The following FBXO34 variants were observed in gnomAD, a reference collection of about 807,000 sequenced individuals.
FBXO34 encodes F-box only protein 34.
Under a neutral mutation model 24.5 loss-of-function variants are expected in FBXO34, and 12 were observed. The observed-to-expected ratio is 0.49, with a 90% CI of 0.31 to 0.79. FBXO34 has a LOEUF of 0.79. FBXO34 is among the 30% of genes least tolerant of loss of function. The pLI is 0.04. For synonymous variants in FBXO34, 320 were observed against 311.9 expected (o/e 1.03, Z -0.27); for missense variants, 823 against 857.7 (o/e 0.96, Z 0.51).
At chr14:55,315,972 G>A (rs565940738) in intron 1 of FBXO34, among the ~76,000 whole-genome samples, 1 of 151,916 alleles carries the variant, frequency 6.6e-6, no homozygotes, top group East Asian at 1.9e-4. Context: ...TTCAAATATT[G>A]AACATTTTGG....
chr14:55,313,309 C>T (rs1389468558), intron 1 of FBXO34, among the ~76,000 whole-genome samples: 1 of 152,168 alleles, frequency 6.6e-6, no homozygotes, highest in African/African-American at 2.4e-5. Flanking sequence ...CCACCTCATC[C>T]TGGACTTCAT....
downstream of FBXO34, among the ~76,000 whole-genome samples, chr14:55,370,125 A>G (rs1198715740): frequency 1.3e-5 from 2 of 152,210 alleles, no homozygotes; most frequent in Non-Finnish European, 2.9e-5. Context: ...AGTTATAAAT[A>G]AAATCATGAT....
At chr14:55,403,880 T>C in the FBXO34 span, among the ~76,000 whole-genome samples, 1 of 152,218 alleles carries the variant, frequency 6.6e-6, no homozygotes, top group Non-Finnish European at 1.5e-5. Context: ...ATTTACAACA[T>C]TTAGCTCTCT....
At chr14:55,439,302 G>A in the FBXO34 span, among the ~76,000 whole-genome samples, 1 of 147,362 alleles carries the variant, frequency 6.8e-6, no homozygotes, top group Non-Finnish European at 1.5e-5. Context: ...AAAGCCACAG[G>A]TGTTTCTAGT....
chr14:55,391,061 A>G, the FBXO34 span: 1 of 999,070 alleles, frequency 1.0e-6, no homozygotes, highest in South Asian at 1.5e-5. Flanking sequence ...TCTACCTGGG[A>G]TCACTGCTTA....
chr14:55,378,116 G>GAA, the FBXO34 span: 1 of 1,552,754 alleles, frequency 6.4e-7, no homozygotes, highest in Non-Finnish European at 8.8e-7. Flanking sequence ...CATTTTTTGA[G>GAA]GAAATTCTAT....
chr14:55,328,166 C>T (rs1883413934), intron 1 of FBXO34, among the ~76,000 whole-genome samples: 1 of 151,866 alleles, frequency 6.6e-6, no homozygotes, highest in South Asian at 2.1e-4. Flanking sequence ...GCCATGTTGG[C>T]CAGGCTGGTC....
At chr14:55,379,777 A>T in the FBXO34 span, among the ~76,000 whole-genome samples, 1 of 152,204 alleles carries the variant, frequency 6.6e-6, no homozygotes, top group East Asian at 1.9e-4. Context: ...GCTGGAGTGC[A>T]GTGGTGTGAT....
downstream of FBXO34, chr14:55,369,961 A>T (rs369167678): frequency 2.2e-4 from 334 of 1,530,432 alleles, 2 homozygotes; most frequent in South Asian, 2.4e-3. Flanking sequence ...TTAGGATAAC[A>T]ACCATTCTCA....
the FBXO34 span, among the ~76,000 whole-genome samples, chr14:55,416,999 G>C: frequency 6.6e-6 from 1 of 152,208 alleles, no homozygotes; most frequent in South Asian, 2.1e-4. Context: ...TCATAACTAA[G>C]AGCATTGCAT....
chr14:55,339,538 A>G (rs1288904396), intron 1 of FBXO34: 3 of 152,194 alleles, frequency 2.0e-5, no homozygotes, highest in Non-Finnish European at 4.4e-5. Flanking sequence ...ATACACAACA[A>G]TGAAGATTCC....
the FBXO34 span, chr14:55,411,918 G>A: frequency 1.7e-6 from 2 of 1,204,304 alleles, no homozygotes; most frequent in East Asian, 2.6e-5. Flanking sequence ...GGGCTGGGAT[G>A]CCGGCGAGCC....
chr14:55,410,654 G>A, the FBXO34 span, among the ~76,000 whole-genome samples: 4 of 152,222 alleles, frequency 2.6e-5, no homozygotes, highest in Non-Finnish European at 5.9e-5. Flanking sequence ...ATAGGTCCAA[G>A]CTGTCTGAAT....
chr14:55,442,303 T>G, the FBXO34 span, among the ~76,000 whole-genome samples: 1 of 151,224 alleles, frequency 6.6e-6, no homozygotes, highest in Non-Finnish European at 1.5e-5. Flanking sequence ...GCAGGAGAAT[T>G]TCTTGAACCT....
intron 1 of FBXO34, among the ~76,000 whole-genome samples, chr14:55,281,991 CTTTTTTTT>C (rs372305828): frequency 3.2e-4 from 21 of 65,132 alleles, no homozygotes; most frequent in East Asian, 1.9e-3. Context: ...TTAAATTTAG[CTTTTTTTT>C]TTTTTTTTTT....
At chr14:55,436,755 G>C in the FBXO34 span, 1 of 1,614,196 alleles carries the variant, frequency 6.2e-7, no homozygotes, top group Non-Finnish European at 8.5e-7. Context: ...CGTCCTGTTC[G>C]CTGGGTGATG....
the FBXO34 span, among the ~76,000 whole-genome samples, chr14:55,432,821 T>C: frequency 1.3e-5 from 2 of 152,226 alleles, no homozygotes; most frequent in South Asian, 4.1e-4. Flanking sequence ...TACAGAGTTA[T>C]GGTGAAAGAA....
intron 1 of FBXO34, among the ~76,000 whole-genome samples, chr14:55,303,027 C>G (rs1036077830): frequency 6.6e-6 from 1 of 152,076 alleles, no homozygotes; most frequent in Admixed American, 6.6e-5. Flanking sequence ...TGTTTTGCCT[C>G]CTAAAGATCT....
chr14:55,402,943 ATATATATATATATATATATAT>A, the FBXO34 span, among the ~76,000 whole-genome samples: 1 of 61,016 alleles, frequency 1.6e-5, no homozygotes, highest in Non-Finnish European at 3.3e-5. Flanking sequence ...ATATATATAT[ATATATATATATATATATATAT>A]ATATAAATAG....
Sources: allele counts gnomAD v4.1 joint callset (sites outside exome capture counted in the v4.1 genomes callset), GRCh38; gene constraint gnomAD v4.1.1; transcripts MANE v1.5; gene names NCBI Gene and HGNC (gene_info 2026-07-23, HGNC 2026-07-21).